The following EXOC3 variants were observed in gnomAD, a reference collection of about 807,000 sequenced individuals.
EXOC3 encodes SEC6-like 1.
Under a neutral mutation model 73.7 loss-of-function variants are expected in EXOC3, and 21 were observed. The observed-to-expected ratio is 0.29, with a 90% CI of 0.20 to 0.41. The LOEUF (loss-of-function observed/expected upper bound fraction) is 0.41, where lower values mean the gene tolerates loss of function less well. EXOC3 is among the 10% of genes least tolerant of loss of function. The pLI is 1.00. For synonymous variants in EXOC3, 410 were observed against 389.1 expected, an observed-to-expected ratio of 1.05 and a Z score of -0.63; for missense variants, 842 against 985.1, an observed-to-expected ratio of 0.85 and a Z score of 1.95.
At chr5:458,188 C>T (rs1247236504) in intron 6 of EXOC3, among the ~76,000 whole-genome samples, 163 bp downstream of exon 6, 2 of 152,260 alleles carry the variant, frequency 1.3e-5, no homozygotes, top group Non-Finnish European at 1.5e-5. Flanking sequence ...CTCTCTGTCT[C>T]TTACTCTCTG....
rs1399715722 is a variant in EXOC3 at position 454,502 on chromosome 5, G to A, written c.1046+451G>A. On this transcript the variant is annotated intron_variant, in intron 4 of 12. Coordinates refer to ENST00000512944, the MANE Select transcript of EXOC3 (RefSeq NM_007277.5). Reference sequence around the variant, plus strand: ...TCACCTCCCTGGCTTCCAGCATCCCGGGTTTGGTTTCTCTTCACCAATATC... The same window carrying A: ...TCACCTCCCTGGCTTCCAGCATCCCAGGTTTGGTTTCTCTTCACCAATATC... 2.0e-5 allele frequency among the ~76,000 whole-genome samples: 3 copies of A among 152,190 alleles called. No individual in the cohort carries two copies. The South Asian group carries it at 6.2e-4, about 31-fold the overall frequency.
intron 11 of EXOC3, among the ~76,000 whole-genome samples, 153 bp from the exon 12 acceptor site, chr5:465,565 C>T (rs1296836144): frequency 6.6e-6 from 1 of 152,234 alleles, no homozygotes; most frequent in African/African-American, 2.4e-5. Context: ...TCACCCCAGA[C>T]CCCTGGCCCT....
At position 465,274 on chromosome 5, in the gene EXOC3, T is replaced by A; in HGVS notation, c.1938+2T>A. 6.3e-7 allele frequency: 1 copy of A among 1,577,038 alleles called. No homozygotes were observed. Among genetic ancestry groups the A allele is most frequent in the Non-Finnish European group, 8.6e-7 (1 of 1,162,188 alleles). On this transcript the variant is annotated splice_donor_variant, in intron 11 of 12. Transcript: ENST00000512944. LOFTEE classifies it high-confidence loss of function. Reference sequence around the variant, plus strand: ...TTCCTGTTCCGGAAGCTGGCGTCCGTGAGTGTCGCGCAGGTCCGGGCTGGA... The same window carrying A: ...TTCCTGTTCCGGAAGCTGGCGTCCGAGAGTGTCGCGCAGGTCCGGGCTGGA...
intron 4 of EXOC3, among the ~76,000 whole-genome samples, chr5:454,427 C>T (rs537286467): frequency 1.3e-5 from 2 of 152,344 alleles, no homozygotes; most frequent in South Asian, 2.1e-4. Flanking sequence ...TGGTCCCAGG[C>T]GGGGCTGGGA....
rs1226519544 is a variant in EXOC3, at chr5:445,495, A to G, written c.-56-655A>G. ...CTCCCGAGTAGCTGGGACTACAGGC[A>G]CCCACCAACATGCCCAGCTAATTTT... On this transcript the variant is annotated intron_variant, in intron 1 of 12. Coordinates refer to ENST00000512944, the MANE Select transcript of EXOC3 (RefSeq NM_007277.5). Among the ~76,000 whole-genome samples the G allele has an allele frequency of 5.3e-5, 8 of 152,072 alleles. No homozygotes were observed. In the East Asian group the frequency reaches 5.8e-4, roughly 11 times the overall value.
At position 466,907 on chromosome 5, in the gene EXOC3, G is replaced by A. The variant is rs540153264; in HGVS notation, c.*9G>A. The A allele has an allele frequency of 1.5e-5, 24 of 1,588,864 alleles. No individual in the cohort carries two copies. Among genetic ancestry groups the A allele is most frequent in the South Asian group, 8.0e-5 (7 of 87,692 alleles). On this transcript the variant is annotated 3_prime_UTR_variant, in exon 13 of 13. Transcript: ENST00000512944. Reference sequence around the variant, plus strand: ...CCAAGCTGCTCAAGTAGCCTCCGCCGGCCTGCCCTGCTCGCCCCTCCACAG... The same window carrying A: ...CCAAGCTGCTCAAGTAGCCTCCGCCAGCCTGCCCTGCTCGCCCCTCCACAG...
intron 3 of EXOC3, among the ~76,000 whole-genome samples, chr5:452,992 GCAGT>G (rs2126577253): frequency 6.6e-6 from 1 of 152,348 alleles, no homozygotes; most frequent in East Asian, 1.9e-4. Flanking sequence ...GTCAGAAGCA[GCAGT>G]CAGTGATCTG....
At chr5:449,983 C>T (rs1449423243) in intron 3 of EXOC3, among the ~76,000 whole-genome samples, 3 of 152,350 alleles carry the variant, frequency 2.0e-5, no homozygotes, top group South Asian at 2.1e-4. Flanking sequence ...CGGTGGCTCA[C>T]GCCCGTCATC....
chr5:459,351 A>AT lies in EXOC3; in HGVS notation c.1291-3dup. On this transcript the variant is annotated splice_region_variant and splice_polypyrimidine_tract_variant and intron_variant, in intron 6 of 12. Coordinates refer to ENST00000512944, the MANE Select transcript of EXOC3 (RefSeq NM_007277.5). The stretch of plus-strand genomic sequence containing the variant: ...TATACCAGAATTCATAAGTTCTCTG[A>AT]TTTTTAGATGTTTGAACAGAATCTT... 1 of 1,486,692 alleles carries AT rather than the reference A, an allele frequency of 6.7e-7. No individual in the cohort carries two copies. The highest frequency in any genetic ancestry group is 9.2e-7 in the Non-Finnish European group (1 of 1,088,544). 92.1% of individuals were successfully genotyped at this position (1,486,692 alleles called of 1,614,324 possible).
In EXOC3 at chr5:453,574, A is replaced by T. The variant is rs1737716265; in HGVS notation, c.569A>T (p.Gln190Leu). 5.6e-6 allele frequency: 9 copies of T among 1,614,014 alleles called. No homozygotes were observed. The South Asian group carries it at 8.8e-5, about 16-fold the overall frequency. The change falls in exon 4 of 13, where the codon CAG becomes CTG. Residue 190 changes from glutamine to leucine, a missense_variant. Transcript: ENST00000512944. ...GGGCTCTCTGATGAGCTGGCTAAGC[A>T]GCTGTGGATGGTGCTGCAGAGGTCA... ...TQGLSDELAKQLWMVLQRSLV... is the reference protein window; with the variant it reads ...TQGLSDELAKLLWMVLQRSLV...
intron 7 of EXOC3, among the ~76,000 whole-genome samples, chr5:460,413 C>T (rs1737949951): frequency 6.6e-6 from 1 of 152,230 alleles, no homozygotes; most frequent in Non-Finnish European, 1.5e-5. Context: ...CGATGTGGCA[C>T]ATCAGGAGAC....
At position 447,564 on chromosome 5, in the gene EXOC3, G is replaced by T. The variant is rs773371140; in HGVS notation, c.176G>T (p.Arg59Leu). 2 of 1,585,836 alleles carry T rather than the reference G, an allele frequency of 1.3e-6. No individual in the cohort carries two copies. Among genetic ancestry groups the T allele is most frequent in the Non-Finnish European group, 8.6e-7 (1 of 1,166,008 alleles). The stretch of plus-strand genomic sequence containing the variant: ...ATCCAGTCACAGTTGGACGGGGTGC[G>T]CACAGGCCTCAGCCAGCTCCACAAC... ...AAIQSQLDGV[R>L]TGLSQLHNAL... The change falls in exon 3 of 13, where the codon CGC (arginine) becomes CTC (leucine). Residue 59 changes from arginine (R) to leucine (L), a missense_variant. Transcript: ENST00000512944.
At chr5:459,729 G>A (rs1737927975) in intron 7 of EXOC3, 1 of 277,190 alleles carries the variant, frequency 3.6e-6, no homozygotes, top group African/African-American at 2.2e-5. Context: ...AACTCTGTTG[G>A]AGTCAGGCTC....
chr5:461,013 G>C (rs1379527584), intron 7 of EXOC3, among the ~76,000 whole-genome samples: 1 of 152,192 alleles, frequency 6.6e-6, no homozygotes, highest in Non-Finnish European at 1.5e-5. Flanking sequence ...TTTAAAAATA[G>C]AGCGTGTCAC....
At chr5:449,816 G>A (rs948230497) in intron 3 of EXOC3, among the ~76,000 whole-genome samples, 51 of 152,326 alleles carry the variant, frequency 3.3e-4, no homozygotes, top group African/African-American at 1.2e-3. Flanking sequence ...TGTAATTGCT[G>A]GACCATGTGG....
chr5:448,241 C>A (rs888139186), intron 3 of EXOC3, among the ~76,000 whole-genome samples: 1 of 152,194 alleles, frequency 6.6e-6, no homozygotes, highest in Non-Finnish European at 1.5e-5. Flanking sequence ...GGCTGAGCGC[C>A]GTGGGGGAGT....
Position 453,830 on chromosome 5 carries a change from T to C in EXOC3, c.825T>C (p.Leu275=), listed in dbSNP as rs765262105. 1 of 1,613,912 alleles carries C rather than the reference T, an allele frequency of 6.2e-7. No homozygotes were observed. Among genetic ancestry groups the C allele is most frequent in the East Asian group, 2.2e-5 (1 of 44,894 alleles). ...CCAGAGAGTCTGACAAGATGTGGCT[T>C]GTCCGCCACCTGGAAATTATAAGGA... The part of the protein sequence containing the change: ...ADTRESDKMW[L]VRHLEIIRKY... Residue 275 remains leucine, a synonymous_variant, in exon 4 of 13, where the codon CTT becomes CTC. Transcript: ENST00000512944.
chr5:448,093 C>T lies in EXOC3; in HGVS notation c.364+341C>T, dbSNP rs1396288793. On this transcript the variant is annotated intron_variant, in intron 3 of 12. Coordinates refer to ENST00000512944, the MANE Select transcript of EXOC3 (RefSeq NM_007277.5). ...GCAGAAGAATGAAGACGCCGTGGCC[C>T]ATGCTTAAAAGGAGCTGCAGGAGAA... Among the ~76,000 whole-genome samples, 12 of 152,196 alleles carry T rather than the reference C, an allele frequency of 7.9e-5. No individual in the cohort carries two copies. The East Asian group carries it at 1.3e-3, about 17-fold the overall frequency.
At position 462,212 on chromosome 5, in the gene EXOC3, G is replaced by A. The variant is rs1015616434; in HGVS notation, c.1558G>A (p.Val520Met). 2.5e-6 allele frequency: 4 copies of A among 1,613,990 alleles called. No individual in the cohort carries two copies. The highest frequency in any genetic ancestry group is 1.3e-5 in the African/African-American group (1 of 75,072). The change falls in exon 9 of 13, where the codon GTG becomes ATG. Residue 520 changes from valine to methionine, a missense_variant. Val to Met is a conservative substitution (Grantham distance 21). Coordinates refer to ENST00000512944, the MANE Select transcript of EXOC3 (RefSeq NM_007277.5). ...TTTAAAGAATGAAGTGGAAGAGGGT[G>A]TGTCTCCGAGCCAGCCCAGCATGGA... is the stretch of plus-strand genomic sequence containing the variant. ...KYLKNEVEEG[V>M]SPSQPSMDGI... is the part of the protein sequence containing the mutation.
Sources: gnomAD v4.1 joint callset for allele counts (sites outside exome capture counted in the v4.1 genomes callset) on GRCh38, gnomAD v4.1.1 for gene constraint, MANE v1.5 for transcripts, NCBI Gene and HGNC (gene_info 2026-07-23, HGNC 2026-07-21) for gene names.